RELCH: variants seen among roughly 807,000 people sequenced by gnomAD.
RELCH encodes the protein RAB11 binding and LisH domain, coiled-coil and HEAT repeat containing.
RELCH carries 41 observed loss-of-function variants against 150.3 expected under a neutral mutation model. That is an observed-to-expected ratio of 0.27 (90% CI 0.21 to 0.35). The LOEUF (loss-of-function observed/expected upper bound fraction) is 0.35, where lower values mean the gene tolerates loss of function less well. Among genes scored for constraint, RELCH ranks in the 10% least tolerant of loss-of-function variants. The pLI, the probability that RELCH is intolerant of heterozygous loss-of-function variation, is 1.00. For missense variants in RELCH, 1,092 were observed against 1,467.8 expected (o/e 0.74, Z 4.18); for synonymous variants, 478 against 531.8 (o/e 0.90, Z 1.39).
In RELCH at chr18:62,287,333, T is replaced by C. The variant is rs747622837; in HGVS notation, c.3254-18T>C. 2 of 1,305,882 alleles carry C rather than the reference T, an allele frequency of 1.5e-6. No homozygotes were observed. The highest frequency in any genetic ancestry group is 1.7e-5 in the Admixed American group (1 of 57,500). 80.9% of individuals were successfully genotyped at this position (1,305,882 alleles called of 1,614,324 possible). ...CATGTTTTGGGTAAAAATTTAACCC[T>C]TTTTTTTCTGTTTTCAGTTGTTATA... On this transcript the variant is annotated intron_variant, in intron 25 of 28. Transcript: ENST00000644646.
intron 25 of RELCH, chr18:62,286,072 G>A (rs1029696200): frequency 3.3e-5 from 5 of 152,174 alleles, no homozygotes; most frequent in African/African-American, 9.7e-5. Flanking sequence ...GGGATATTAT[G>A]CAGTGTGATT....
intron 11 of RELCH, among the ~76,000 whole-genome samples, chr18:62,248,699 T>A (rs955053623): frequency 6.6e-6 from 1 of 152,180 alleles, no homozygotes; most frequent in Non-Finnish European, 1.5e-5. Context: ...AATAAAATAT[T>A]TAATATATGA....
At chr18:62,214,776 T>C (rs929539861) in intron 2 of RELCH, among the ~76,000 whole-genome samples, 4 of 152,088 alleles carry the variant, frequency 2.6e-5, no homozygotes, top group African/African-American at 9.7e-5. Context: ...GCTGGAGCCA[T>C]AGATGGAGTG....
chr18:62,191,763 A>G (rs1599754843), intron 1 of RELCH, among the ~76,000 whole-genome samples: 1 of 152,116 alleles, frequency 6.6e-6, no homozygotes, highest in Non-Finnish European at 1.5e-5. Context: ...CATGGTGTGC[A>G]TGTATCACAT....
intron 1 of RELCH, among the ~76,000 whole-genome samples, chr18:62,202,769 G>A (rs1390559450): frequency 6.6e-6 from 1 of 151,970 alleles, no homozygotes; most frequent in African/African-American, 2.4e-5. Context: ...AATATTAGAA[G>A]GAAGATGAAA....
intron 28 of RELCH, among the ~76,000 whole-genome samples, chr18:62,304,734 T>A (rs2045809409): frequency 6.6e-6 from 1 of 152,168 alleles, no homozygotes; most frequent in South Asian, 2.1e-4. Flanking sequence ...TATGATAAAT[T>A]AGCAATCTTT....
chr18:62,187,663 G>T lies in RELCH; in HGVS notation c.158G>T (p.Gly53Val), dbSNP rs1352505712. Residue 53 changes from glycine to valine, a missense_variant, in exon 1 of 29, where the codon GGC (glycine) becomes GTC (valine). This residue lies in a region of RELCH where 138 missense variants were observed against 124.8 expected (regional missense o/e 1.11). Transcript: ENST00000644646. ...AGTGGCCTAGATCCTGGCTCTGCGG[G>T]CTCGCTGTCGCCACAGGATCCCGTG... ...AGSGLDPGSA[G>V]SLSPQDPVAL... is the part of the protein sequence containing the mutation. 6.4e-7 allele frequency: 1 copy of T among 1,562,140 alleles called. No homozygotes were observed. The highest frequency in any genetic ancestry group is 8.7e-7 in the Non-Finnish European group (1 of 1,151,004).
chr18:62,271,988 C>T (rs2043929643), intron 20 of RELCH, among the ~76,000 whole-genome samples: 1 of 152,098 alleles, frequency 6.6e-6, no homozygotes, highest in South Asian at 2.1e-4. Context: ...TCTTTCAAGA[C>T]AAATTTGAAT....
chr18:62,293,235 A>G (rs1015932911), intron 27 of RELCH, among the ~76,000 whole-genome samples: 10 of 152,230 alleles, frequency 6.6e-5, no homozygotes, highest in Non-Finnish European at 1.5e-4. Context: ...GGTTCTCCAG[A>G]GAAGCAAAAC....
intron 11 of RELCH, among the ~76,000 whole-genome samples, chr18:62,250,596 A>T (rs759320483): frequency 7.9e-5 from 12 of 152,212 alleles, no homozygotes; most frequent in Non-Finnish European, 1.8e-4. Flanking sequence ...GAGGGTAATG[A>T]TATAAAGGGG....
Position 62,247,149 on chromosome 18 carries a change from G to C in RELCH, c.1733+2273G>C, listed in dbSNP as rs919497470. Reference sequence around the variant, plus strand: ...GTGGCTCCTCCCTTTCTCTCAAAATGAACTGGAGCTGGATCAATTTCTTCT... The same window carrying C: ...GTGGCTCCTCCCTTTCTCTCAAAATCAACTGGAGCTGGATCAATTTCTTCT... On this transcript the variant is annotated intron_variant, in intron 11 of 28. Transcript: ENST00000644646. 5 of 152,128 alleles carry C rather than the reference G, an allele frequency of 3.3e-5. No homozygotes were observed. The East Asian group carries it at 9.6e-4, about 29-fold the overall frequency. The allele number at this position is 152,128 out of a possible 1,614,324, so 9.4% of individuals were successfully genotyped here. A position where few individuals can be genotyped will look rare whatever the true frequency, so the allele number is the denominator to read the frequency against.
intron 28 of RELCH, among the ~76,000 whole-genome samples, chr18:62,302,504 G>A (rs1189808885): frequency 6.6e-6 from 1 of 151,972 alleles, no homozygotes; most frequent in Non-Finnish European, 1.5e-5. Context: ...AAATCAAGTG[G>A]AGATTTTATT....
rs565603727 is a variant in RELCH, at chr18:62,262,227, T to G, written c.2350+569T>G. Among the ~76,000 whole-genome samples the G allele has an allele frequency of 2.4e-4, 36 of 152,180 alleles. 1 individual carries two copies. In the South Asian group the frequency reaches 7.0e-3, roughly 30 times the overall value. On this transcript the variant is annotated intron_variant, in intron 16 of 28. Coordinates refer to ENST00000644646, the MANE Select transcript of RELCH (RefSeq NM_001346231.2). ...AGGAGAGGCCAGTATTTTCTTATCT[T>G]ACTCTCCGAGTAGCTAGTAAATGAC... is the stretch of plus-strand genomic sequence containing the variant.
rs1235328526 is a variant in RELCH, at chr18:62,221,058, A to C, written c.638A>C (p.Lys213Thr). 1 of 1,613,314 alleles carries C rather than the reference A, an allele frequency of 6.2e-7. No individual in the cohort carries two copies. The highest frequency in any genetic ancestry group is 8.5e-7 in the Non-Finnish European group (1 of 1,179,576). ...KVAVLEFELR[K>T]AKETIQALRA... ...CCAGTCCTGGAGTTTGAACTACGGA[A>C]AGCCAAGGAGACCATTCAGGCCCTC... The change falls in exon 3 of 29, where the codon AAA (lysine) becomes ACA (threonine). Residue 213 changes from lysine (K) to threonine (T), a missense_variant. Lys to Thr is a moderately conservative substitution (Grantham distance 78). This residue lies in a region of RELCH where 190 missense variants were observed against 276.2 expected (regional missense o/e 0.69). Coordinates refer to ENST00000644646, the MANE Select transcript of RELCH (RefSeq NM_001346231.2).
intron 20 of RELCH, among the ~76,000 whole-genome samples, chr18:62,270,916 T>C (rs907224120): frequency 1.3e-5 from 2 of 152,108 alleles, no homozygotes; most frequent in African/African-American, 4.8e-5. Flanking sequence ...GTCCTTGTGA[T>C]AGTTTGCTCA....
intron 25 of RELCH, 35 bp downstream of exon 25, chr18:62,282,479 T>C (rs1395400568): frequency 1.2e-6 from 2 of 1,603,136 alleles, no homozygotes; most frequent in South Asian, 2.2e-5. Context: ...TCCTGAATTG[T>C]AATGTAAGAT....
chr18:62,230,870 C>T (rs545628405), intron 8 of RELCH, among the ~76,000 whole-genome samples: 3 of 152,170 alleles, frequency 2.0e-5, no homozygotes, highest in Admixed American at 6.6e-5. Context: ...AGAAAGTCCT[C>T]ATTTCAGATT....
chr18:62,264,843 A>C lies in RELCH; in HGVS notation c.2622A>C (p.Thr874=). The C allele has an allele frequency of 4.4e-6, 7 of 1,608,800 alleles. No homozygotes were observed. The highest frequency in any genetic ancestry group is 5.9e-6 in the Non-Finnish European group (7 of 1,177,464). Residue 874 remains threonine, a synonymous_variant, in exon 18 of 29, where the codon ACA becomes ACC. Transcript: ENST00000644646. The stretch of plus-strand genomic sequence containing the variant: ...GCCGGACATTTGGCAAAATTTTTAC[A>C]AACACTAAGGTAAAAACTTGTATTC... ...RLCRTFGKIF[T]NTKVKPQFQE...
Position 62,305,153 on chromosome 18 carries a change from A to G in RELCH, c.3531-261A>G, listed in dbSNP as rs533533046. The stretch of plus-strand genomic sequence containing the variant: ...TTTTACAGATGAGATTAAATAATTT[A>G]CCCGAGCTGGTAAACAGAGCCAAGA... On this transcript the variant is annotated intron_variant, in intron 28 of 28. Transcript: ENST00000644646. This position sits in a 1 kb window ranked among gnomAD's most constrained non-coding sequence, Gnocchi z 4.0. Among the ~76,000 whole-genome samples the G allele has an allele frequency of 2.4e-4, 36 of 152,326 alleles. No homozygotes were observed. Among genetic ancestry groups the G allele is most frequent in the Admixed American group, 7.8e-4 (12 of 15,300 alleles).
Sources: allele counts gnomAD v4.1 joint callset (sites outside exome capture counted in the v4.1 genomes callset), GRCh38; gene constraint gnomAD v4.1.1; regional missense constraint gnomAD v4.1.1; non-coding constraint Gnocchi (gnomAD v3.1); transcripts MANE v1.5; gene names NCBI Gene and HGNC (gene_info 2026-07-23, HGNC 2026-07-21).